The following FUT9 variants were observed in gnomAD, a reference collection of about 807,000 sequenced individuals.
The protein encoded by FUT9 is 4-galactosyl-N-acetylglucosaminide 3-alpha-L-fucosyltransferase 9.
In FUT9, 15 loss-of-function variants were observed where a neutral mutation model predicts 29.7. That is an observed-to-expected ratio of 0.51 (90% CI 0.34 to 0.78). The LOEUF (loss-of-function observed/expected upper bound fraction) is 0.78. Among genes scored for constraint, FUT9 ranks in the 30% least tolerant of loss-of-function variants. The pLI, the probability that FUT9 is intolerant of heterozygous loss-of-function variation, is 0.01. For missense variants in FUT9, 319 were observed against 425.4 expected (o/e 0.75, Z 2.20); for synonymous variants, 169 against 153.7 (o/e 1.10, Z -0.74).
chr6:96,184,575 G>T (rs1773370875), intron 2 of FUT9, among the ~76,000 whole-genome samples: 1 of 151,886 alleles, frequency 6.6e-6, no homozygotes, highest in Non-Finnish European at 1.5e-5. Flanking sequence ...AGATTTTTCA[G>T]TGTAGGCGTT....
At chr6:96,056,730 C>T (rs889924176) in intron 1 of FUT9, among the ~76,000 whole-genome samples, 3 of 151,254 alleles carry the variant, frequency 2.0e-5, no homozygotes, top group Non-Finnish European at 4.4e-5. Context: ...GATGACAAAG[C>T]GAGACTCCAT....
intron 1 of FUT9, among the ~76,000 whole-genome samples, chr6:96,099,606 T>C (rs1771553926): frequency 6.6e-6 from 1 of 152,158 alleles, no homozygotes; most frequent in African/African-American, 2.4e-5. Flanking sequence ...TCCTGAATAT[T>C]TATGCAATCT....
intron 2 of FUT9, among the ~76,000 whole-genome samples, chr6:96,197,712 A>G (rs1773651739): frequency 6.6e-6 from 1 of 152,154 alleles, no homozygotes; most frequent in African/African-American, 2.4e-5. Flanking sequence ...ATAAGGGAAA[A>G]TCTCTTCCAA....
At chr6:96,158,061 G>T (rs977555731) in intron 2 of FUT9, among the ~76,000 whole-genome samples, 1 of 152,050 alleles carries the variant, frequency 6.6e-6, no homozygotes, top group African/African-American at 2.4e-5. Flanking sequence ...CCTCAACAAT[G>T]ATGACTTTTA....
chr6:96,028,364 A>AT (rs542073289), intron 1 of FUT9, among the ~76,000 whole-genome samples: 225 of 151,722 alleles, frequency 1.5e-3, no homozygotes, highest in Non-Finnish European at 1.3e-3. Context: ...TTTGGCCAGT[A>AT]TTTTTAATGG....
chr6:96,164,527 G>C (rs1772978031), intron 2 of FUT9, among the ~76,000 whole-genome samples: 1 of 152,116 alleles, frequency 6.6e-6, no homozygotes, highest in Non-Finnish European at 1.5e-5. Context: ...CAAAGTGCTA[G>C]GATTACAGGC....
intron 2 of FUT9, among the ~76,000 whole-genome samples, chr6:96,167,103 C>T (rs1773028637): frequency 6.6e-6 from 1 of 152,060 alleles, no homozygotes; most frequent in African/African-American, 2.4e-5. Context: ...CTGAGACTTC[C>T]TAAAATAAAT....
intron 1 of FUT9, among the ~76,000 whole-genome samples, chr6:96,049,113 A>G (rs1770618220): frequency 6.6e-6 from 1 of 152,224 alleles, no homozygotes; most frequent in South Asian, 2.1e-4. Context: ...AGGGAAAATT[A>G]TGGAATGGAT....
At chr6:96,076,183 G>T (rs995108755) in intron 1 of FUT9, among the ~76,000 whole-genome samples, 3 of 152,086 alleles carry the variant, frequency 2.0e-5, no homozygotes, top group Admixed American at 2.0e-4. Context: ...ATGCTTGCAT[G>T]TTTGCATTTT....
At chr6:96,100,600 C>T (rs915530420) in intron 1 of FUT9, among the ~76,000 whole-genome samples, 9 of 152,112 alleles carry the variant, frequency 5.9e-5, no homozygotes, top group Admixed American at 3.3e-4. Context: ...AAGAAATTTA[C>T]AATTTTGGGA....
At position 96,035,855 on chromosome 6, in the gene FUT9, T is replaced by G. The variant is rs1385344955; in HGVS notation, c.-98+19643T>G. ...ATTATATTAATATAATATATTATGTTTATTATATTAATATAATATAATACA... is the reference window on the plus strand; with the variant it reads ...ATTATATTAATATAATATATTATGTGTATTATATTAATATAATATAATACA... On this transcript the variant is annotated intron_variant, in intron 1 of 2. Transcript: ENST00000302103. Among the ~76,000 whole-genome samples the G allele has an allele frequency of 4.8e-4, 56 of 117,512 alleles. 1 individual carries two copies. The highest frequency in any genetic ancestry group is 2.6e-3 in the Admixed American group (28 of 10,590). The allele number at this position is 117,512 out of a possible 152,430, so 77.1% of individuals were successfully genotyped here.
In FUT9 at chr6:96,210,687, A is replaced by C. The variant is rs1023716910; in HGVS notation, c.*6452A>C. On this transcript the variant is annotated 3_prime_UTR_variant, in exon 3 of 3. Transcript: ENST00000302103. ...AAGACTGGTCTAGACAATTACTAGG[A>C]TATATGCTTCTGTGATCTGCTTTTC... The C allele has an allele frequency of 3.0e-5, 5 of 166,928 alleles. No individual in the cohort carries two copies. The highest frequency in any genetic ancestry group is 1.2e-4 in the African/African-American group (5 of 41,450). The allele number at this position is 166,928 out of a possible 1,614,324, so 10.3% of individuals were successfully genotyped here.
chr6:96,163,215 G>A lies in FUT9; in HGVS notation c.-8-39933G>A, dbSNP rs564569239. On this transcript the variant is annotated intron_variant, in intron 2 of 2. Transcript: ENST00000302103. ...CTACCAGTTTCTGGCTCAAAGAAAA[G>A]TGATTAATTACAAGTTGTTCTTCTG... 4.0e-4 allele frequency among the ~76,000 whole-genome samples: 60 copies of A among 151,368 alleles called. 3 individuals are homozygous for A. Among genetic ancestry groups the A allele is most frequent in the South Asian group, 1.7e-3 (8 of 4,778 alleles).
chr6:96,146,744 T>C (rs1772574626), intron 2 of FUT9, among the ~76,000 whole-genome samples: 1 of 152,192 alleles, frequency 6.6e-6, no homozygotes, highest in Non-Finnish European at 1.5e-5. Context: ...GAAAGTTTTG[T>C]TTTATTGTAA....
At chr6:96,032,289 C>T (rs924801043) in intron 1 of FUT9, among the ~76,000 whole-genome samples, 1 of 151,584 alleles carries the variant, frequency 6.6e-6, no homozygotes, top group Non-Finnish European at 1.5e-5. Flanking sequence ...TGTCAACTTT[C>T]TATCCCTAAT....
chr6:96,204,200 T>C lies in FUT9; in HGVS notation c.1045T>C (p.Ser349Pro). Residue 349 changes from serine to proline, a missense_variant, in exon 3 of 3, where the codon TCT becomes CCT. Coordinates refer to ENST00000302103, the MANE Select transcript of FUT9 (RefSeq NM_006581.4). ...DHVKRHQEYK[S>P]VGNLEKWFWN ...TGTGAAAAGGCATCAAGAATATAAGTCTGTTGGTAATTTAGAGAAATGGTT... is the reference window on the plus strand; with the variant it reads ...TGTGAAAAGGCATCAAGAATATAAGCCTGTTGGTAATTTAGAGAAATGGTT... 1 of 1,451,926 alleles carries C rather than the reference T, an allele frequency of 6.9e-7. No homozygotes were observed. The highest frequency in any genetic ancestry group is 9.1e-7 in the Non-Finnish European group (1 of 1,099,204). The allele number at this position is 1,451,926 out of a possible 1,614,324, so 89.9% of individuals were successfully genotyped here.
At chr6:96,169,464 G>GTT (rs1416227394) in intron 2 of FUT9, among the ~76,000 whole-genome samples, 1 of 152,134 alleles carries the variant, frequency 6.6e-6, no homozygotes, top group Non-Finnish European at 1.5e-5. Flanking sequence ...TTCTCAGAAA[G>GTT]TAACAATTTA....
chr6:96,203,352 T>C lies in FUT9; in HGVS notation c.197T>C (p.Ile66Thr), dbSNP rs1773763633. ...ACTGATTATTTTAATGAAACTACTA[T>C]TCTGGTGTGGGTGTGGCCATTTGGG... ...TKTDYFNETT[I>T]LVWVWPFGQT... Residue 66 changes from isoleucine to threonine, a missense_variant, in exon 3 of 3, where the codon ATT becomes ACT. By Grantham distance (89) the Ile-to-Thr change is moderately conservative. Transcript: ENST00000302103. The C allele has an allele frequency of 6.2e-7, 1 of 1,613,844 alleles. No individual in the cohort carries two copies. The highest frequency in any genetic ancestry group is 8.5e-7 in the Non-Finnish European group (1 of 1,179,844).
intron 1 of FUT9, among the ~76,000 whole-genome samples, chr6:96,048,624 A>G (rs192547302): frequency 9.8e-5 from 15 of 152,342 alleles, no homozygotes; most frequent in African/African-American, 3.1e-4. Context: ...TTAAGTTCCT[A>G]TGATACTTAA....
Sources: gnomAD v4.1 joint callset for allele counts (sites outside exome capture counted in the v4.1 genomes callset) on GRCh38, gnomAD v4.1.1 for gene constraint, MANE v1.5 for transcripts, NCBI Gene and HGNC (gene_info 2026-07-23, HGNC 2026-07-21) for gene names.